The following PLCB1 variants were observed in gnomAD, a reference collection of about 807,000 sequenced individuals.
PLCB1 encodes the protein phospholipase C beta 1, also known as 1-phosphatidylinositol 4,5-bisphosphate phosphodiesterase beta-1.
In PLCB1, 46 loss-of-function variants were observed where a neutral mutation model predicts 161.8. The observed-to-expected ratio is 0.28, with a 90% CI of 0.22 to 0.36. PLCB1 has a LOEUF of 0.36. PLCB1 is among the 10% of genes least tolerant of loss of function. PLCB1 has a pLI of 1.00. For missense variants in PLCB1, 1,016 were observed against 1,472.5 expected (o/e 0.69, Z 5.07); for synonymous variants, 517 against 503.7 (o/e 1.03, Z -0.35).
intron 3 of PLCB1, among the ~76,000 whole-genome samples, chr20:8,477,910 A>G (rs1352187484): frequency 5.9e-5 from 9 of 152,226 alleles, no homozygotes; most frequent in African/African-American, 1.2e-4. Flanking sequence ...TCCAAACCAC[A>G]TCTTAGTGCT....
At position 8,312,370 on chromosome 20, in the gene PLCB1, G is replaced by A. The variant is rs557225816; in HGVS notation, c.178-59012G>A. ...GGTCCAGAGCTCTCTGTGGGATCAG[G>A]CCAAAAACTGCACTTTATTTATCTT... On this transcript the variant is annotated intron_variant, in intron 2 of 31. Transcript: ENST00000338037. 6.6e-5 allele frequency among the ~76,000 whole-genome samples: 10 copies of A among 152,168 alleles called. No individual in the cohort carries two copies. In the South Asian group the frequency reaches 2.1e-3, roughly 32 times the overall value.
At chr20:8,540,622 C>T (rs1985272480) in intron 3 of PLCB1, among the ~76,000 whole-genome samples, 1 of 150,580 alleles carries the variant, frequency 6.6e-6, no homozygotes, top group Non-Finnish European at 1.5e-5. Flanking sequence ...CAAATTACTC[C>T]ACATGTCTAA....
chr20:8,580,355 C>A (rs893304275), intron 3 of PLCB1, among the ~76,000 whole-genome samples: 2 of 152,090 alleles, frequency 1.3e-5, no homozygotes, highest in Non-Finnish European at 2.9e-5. Flanking sequence ...CATGTAGTTA[C>A]GCTGTGATAA....
At chr20:8,289,233 G>T (rs1410769353) in intron 2 of PLCB1, among the ~76,000 whole-genome samples, 1 of 152,190 alleles carries the variant, frequency 6.6e-6, no homozygotes, top group Non-Finnish European at 1.5e-5. Flanking sequence ...AGTGCTTTCA[G>T]CCTGTCTAAC....
At chr20:8,790,339 A>AT in intron 31 of PLCB1, 78 bp downstream of exon 31, 1 of 1,054,424 alleles carries the variant, frequency 9.5e-7, no homozygotes. Flanking sequence ...CCTGGTTTAC[A>AT]TAAGTACCTT....
At chr20:8,482,752 T>C (rs890045709) in intron 3 of PLCB1, among the ~76,000 whole-genome samples, 1 of 152,184 alleles carries the variant, frequency 6.6e-6, no homozygotes, top group Non-Finnish European at 1.5e-5. Flanking sequence ...AAATCCAGAC[T>C]GCTTGCCAAG....
intron 27 of PLCB1, among the ~76,000 whole-genome samples, chr20:8,785,635 G>A (rs1263627263): frequency 6.6e-6 from 1 of 152,150 alleles, no homozygotes; most frequent in Non-Finnish European, 1.5e-5. Flanking sequence ...GGGAACTTCT[G>A]GGGAGTCTGG....
intron 12 of PLCB1, among the ~76,000 whole-genome samples, chr20:8,712,415 G>C (rs1979071296): frequency 6.6e-6 from 1 of 152,192 alleles, no homozygotes; most frequent in South Asian, 2.1e-4. Flanking sequence ...TCTGCTATTA[G>C]CTGCTTTCAA....
At chr20:8,697,864 C>G in intron 11 of PLCB1, 81 bp downstream of exon 11, 2 of 1,277,792 alleles carry the variant, frequency 1.6e-6, no homozygotes, top group Non-Finnish European at 2.2e-6. Context: ...GGTAGAAAGT[C>G]CCAGTGGTCA....
intron 3 of PLCB1, among the ~76,000 whole-genome samples, chr20:8,523,492 CTCTCTAT>C (rs1568492982): frequency 0.053 from 3,274 of 61,830 alleles, 544 homozygotes; most frequent in South Asian, 0.08. Context: ...CTCTCTCTCT[CTCTCTAT>C]ATATATATAT....
intron 3 of PLCB1, among the ~76,000 whole-genome samples, chr20:8,393,612 A>C (rs1028544171): frequency 2.0e-5 from 3 of 152,144 alleles, no homozygotes; most frequent in African/African-American, 7.2e-5. Context: ...CTGTGATTGC[A>C]CCACTGCACT....
intron 2 of PLCB1, among the ~76,000 whole-genome samples, chr20:8,283,324 A>G (rs1266801113): frequency 6.6e-6 from 1 of 152,166 alleles, no homozygotes; most frequent in Non-Finnish European, 1.5e-5. Context: ...GCAAAAAAGT[A>G]TAAAGAAGAA....
chr20:8,488,913 G>A (rs1480571848), intron 3 of PLCB1, among the ~76,000 whole-genome samples: 1 of 152,108 alleles, frequency 6.6e-6, no homozygotes, highest in Non-Finnish European at 1.5e-5. Flanking sequence ...TTAATTGATA[G>A]CTTATTTTAT....
intron 9 of PLCB1, among the ~76,000 whole-genome samples, chr20:8,672,592 C>A (rs1290101617): frequency 6.6e-6 from 1 of 152,068 alleles, no homozygotes; most frequent in South Asian, 2.1e-4. Context: ...ATATGCATAC[C>A]GAGCAGGGAA....
intron 3 of PLCB1, among the ~76,000 whole-genome samples, chr20:8,405,652 A>G (rs534639098): frequency 6.6e-6 from 1 of 152,332 alleles, no homozygotes; most frequent in South Asian, 2.1e-4. Flanking sequence ...TGAAACCTGG[A>G]CAATCAAGTA....
intron 31 of PLCB1, among the ~76,000 whole-genome samples, chr20:8,871,439 C>T (rs191225993): frequency 1.8e-4 from 28 of 152,294 alleles, no homozygotes; most frequent in Admixed American, 1.6e-3. Flanking sequence ...TTTTAAGTCT[C>T]ATGTCCTTCA....
At chr20:8,356,787 A>G (rs1986375652) in intron 2 of PLCB1, among the ~76,000 whole-genome samples, 1 of 152,174 alleles carries the variant, frequency 6.6e-6, no homozygotes, top group African/African-American at 2.4e-5. Context: ...TGGGGCCTAT[A>G]AGGAGACCTA....
intron 31 of PLCB1, among the ~76,000 whole-genome samples, chr20:8,806,398 C>T (rs1984539169): frequency 6.6e-6 from 1 of 152,122 alleles, no homozygotes; most frequent in Non-Finnish European, 1.5e-5. Flanking sequence ...CATAGTTCCC[C>T]TCTCTAAAGC....
In PLCB1 at chr20:8,132,791, C is replaced by A; in HGVS notation, c.99+41C>A. On this transcript the variant is annotated intron_variant, in intron 1 of 31. Coordinates refer to ENST00000338037, the MANE Select transcript of PLCB1 (RefSeq NM_015192.4). The surrounding 1 kb of genome is among the most constrained non-coding windows in gnomAD (Gnocchi z 5.2). ...GCCCGAGTCGGGGCGCTGGCTCGGG[C>A]ACCGGGCAGGGCGGGCGTCGTGGGG... 2 of 1,451,864 alleles carry A rather than the reference C, an allele frequency of 1.4e-6. No homozygotes were observed. Among genetic ancestry groups the A allele is most frequent in the Non-Finnish European group, 1.9e-6 (2 of 1,038,218 alleles). 89.9% of individuals were successfully genotyped at this position (1,451,864 alleles called of 1,614,324 possible).
Sources: gnomAD v4.1 joint callset for allele counts (sites outside exome capture counted in the v4.1 genomes callset) on GRCh38, gnomAD v4.1.1 for gene constraint, Gnocchi (gnomAD v3.1) non-coding constraint, MANE v1.5 for transcripts, NCBI Gene and HGNC (gene_info 2026-07-23, HGNC 2026-07-21) for gene names.